TUT4: variants seen among roughly 807,000 people sequenced by gnomAD.
TUT4 encodes terminal uridylyltransferase 4.
Under a neutral mutation model 192.2 loss-of-function variants are expected in TUT4, and 36 were observed. That is an observed-to-expected ratio of 0.19 (90% CI 0.14 to 0.25). TUT4 has a LOEUF of 0.25. Ranked by LOEUF, TUT4 falls within the 10% of genes least tolerant of loss-of-function variation. The pLI, the probability that TUT4 is intolerant of heterozygous loss-of-function variation, is 1.00. For missense variants in TUT4, 1,493 were observed against 1,957.2 expected (o/e 0.76, Z 4.47); for synonymous variants, 618 against 666.0 (o/e 0.93, Z 1.11).
intron 27 of TUT4, chr1:52,431,748 C>G (rs1290670754): frequency 4.9e-6 from 1 of 205,632 alleles, no homozygotes; most frequent in East Asian, 1.1e-4. Context: ...CTCATAGTCA[C>G]TTTCATTCAG....
chr1:52,524,660 G>A (rs1472252444), intron 2 of TUT4, among the ~76,000 whole-genome samples: 1 of 152,088 alleles, frequency 6.6e-6, no homozygotes, highest in Non-Finnish European at 1.5e-5. Context: ...AAAAAAGTTA[G>A]CCAGGTATGG....
chr1:52,528,293 C>T (rs895006269), intron 1 of TUT4, among the ~76,000 whole-genome samples: 3 of 151,844 alleles, frequency 2.0e-5, no homozygotes, highest in Non-Finnish European at 4.4e-5. Flanking sequence ...GAGTTCAAGA[C>T]CAGCCTGGAC....
intron 3 of TUT4, among the ~76,000 whole-genome samples, chr1:52,512,916 C>T (rs990539962): frequency 6.6e-6 from 1 of 151,648 alleles, no homozygotes; most frequent in Non-Finnish European, 1.5e-5. Context: ...AAACAAAAAC[C>T]TGGGAATATT....
chr1:52,550,360 G>A (rs932123474), intron 1 of TUT4, among the ~76,000 whole-genome samples: 1 of 151,970 alleles, frequency 6.6e-6, no homozygotes, highest in African/African-American at 2.4e-5. Context: ...CTATCCTACT[G>A]CAGTGGCTTT....
At chr1:52,448,880 A>C (rs1015150647) in intron 20 of TUT4, among the ~76,000 whole-genome samples, 5 of 152,200 alleles carry the variant, frequency 3.3e-5, no homozygotes, top group African/African-American at 1.2e-4. Flanking sequence ...AAGAGATTTC[A>C]TACTTCTCAG....
chr1:52,492,112 T>C (rs558632385), intron 7 of TUT4, among the ~76,000 whole-genome samples: 5 of 152,326 alleles, frequency 3.3e-5, no homozygotes, highest in East Asian at 1.9e-4. Context: ...GTAAATGCTA[T>C]GTCTACCTCT....
Position 52,518,618 on chromosome 1 carries a change from A to G in TUT4, c.719-2564T>C, listed in dbSNP as rs183540553. On this transcript the variant is annotated intron_variant, in intron 2 of 29. Transcript: ENST00000257177. The stretch of plus-strand genomic sequence containing the variant: ...TTTGGGAGGGGACATAATCCAGTCC[A>G]TAACAACAGCCTTAAAAAGGAATGA... Among the ~76,000 whole-genome samples, 352 of 152,348 alleles carry G rather than the reference A, an allele frequency of 2.3e-3. 1 individual carries two copies. The highest frequency in any genetic ancestry group is 2.9e-3 in the South Asian group (14 of 4,824).
chr1:52,445,753 G>A, intron 24 of TUT4, 34 bp downstream of exon 24: 1 of 1,487,980 alleles, frequency 6.7e-7, no homozygotes. Context: ...TTTAAAAAAA[G>A]AAAAGATTCA....
intron 9 of TUT4, among the ~76,000 whole-genome samples, 198 bp downstream of exon 9, chr1:52,488,709 TAA>T (rs765626341): frequency 6.6e-6 from 1 of 152,170 alleles, no homozygotes; most frequent in Non-Finnish European, 1.5e-5. Context: ...AATATATCCA[TAA>T]GTGTGTCTAC....
intron 9 of TUT4, among the ~76,000 whole-genome samples, chr1:52,485,037 T>C (rs1242479787): frequency 1.3e-5 from 2 of 152,206 alleles, no homozygotes; most frequent in East Asian, 3.8e-4. Flanking sequence ...GTGAGCACCA[T>C]GAAAGCAGGA....
In TUT4 at chr1:52,525,632, T is replaced by A. The variant is rs1681553500; in HGVS notation, c.649A>T (p.Thr217Ser). ...QNSPRSQKQQ[T>S]CTDNTGDSDD... is the part of the protein sequence containing the mutation. ...GAATCACCAGTATTATCTGTACATG[T>A]CTGTTGCTTCTGAGATCGTGGTGAG... Residue 217 changes from threonine (T) to serine (S), a missense_variant, in exon 2 of 30, where the codon ACA becomes TCA. By Grantham distance (58) the Thr-to-Ser change is moderately conservative (BLOSUM62 1). Coordinates refer to ENST00000257177, the MANE Select transcript of TUT4 (RefSeq NM_001009881.3). The A allele has an allele frequency of 1.2e-6, 2 of 1,614,096 alleles. No homozygotes were observed. Among genetic ancestry groups the A allele is most frequent in the African/African-American group, 2.7e-5 (2 of 74,948 alleles).
intron 20 of TUT4, among the ~76,000 whole-genome samples, chr1:52,447,808 G>A (rs1482773301): frequency 1.3e-5 from 2 of 152,194 alleles, no homozygotes; most frequent in Admixed American, 6.5e-5. Context: ...CAGTGAAAAT[G>A]AGGAAAGACT....
chr1:52,438,393 T>C (rs1654452719), intron 24 of TUT4, 58 bp from the exon 25 acceptor site: 1 of 1,206,248 alleles, frequency 8.3e-7, no homozygotes, highest in Non-Finnish European at 1.2e-6. Flanking sequence ...TGAATCCAAA[T>C]GGAAAGAAGA....
intron 4 of TUT4, among the ~76,000 whole-genome samples, chr1:52,498,901 A>AATT (rs1673220765): frequency 2.7e-5 from 2 of 73,324 alleles, no homozygotes; most frequent in Non-Finnish European, 2.5e-5. Context: ...AAAAAAAAAA[A>AATT]TTATATATAT....
At chr1:52,481,667 G>C (rs769032262) in intron 10 of TUT4, 32 bp from the exon 11 acceptor site, 2 of 1,513,902 alleles carry the variant, frequency 1.3e-6, no homozygotes, top group Non-Finnish European at 8.8e-7. Flanking sequence ...ATTGGTAGTG[G>C]AAAAATTATT....
intron 26 of TUT4, 114 bp downstream of exon 26, chr1:52,436,641 G>T: frequency 6.7e-7 from 1 of 1,491,652 alleles, no homozygotes; most frequent in Non-Finnish European, 9.0e-7. Flanking sequence ...AAATTGTAAG[G>T]TCCAAAATCA....
At chr1:52,516,261 T>C (rs1281451401) in intron 2 of TUT4, among the ~76,000 whole-genome samples, 1 of 152,042 alleles carries the variant, frequency 6.6e-6, no homozygotes, top group Non-Finnish European at 1.5e-5. Context: ...CCTTTATGGG[T>C]CAAATGACTA....
intron 3 of TUT4, among the ~76,000 whole-genome samples, chr1:52,511,294 A>T (rs1327066121): frequency 6.6e-6 from 1 of 152,304 alleles, no homozygotes; most frequent in African/African-American, 2.4e-5. Flanking sequence ...AATTCTGTCA[A>T]ATCAGTTCCT....
intron 1 of TUT4, among the ~76,000 whole-genome samples, chr1:52,549,231 G>A (rs1688812774): frequency 6.6e-6 from 1 of 152,100 alleles, no homozygotes. Context: ...TATCTCACTT[G>A]GTGATCTCAC....
Sources: gnomAD v4.1 joint callset for allele counts (sites outside exome capture counted in the v4.1 genomes callset) on GRCh38, gnomAD v4.1.1 for gene constraint, MANE v1.5 for transcripts, NCBI Gene and HGNC (gene_info 2026-07-23, HGNC 2026-07-21) for gene names.